Variants in PTPRG observed in about 807,000 individuals in gnomAD.
The protein encoded by PTPRG is protein tyrosine phosphatase receptor type G, also known as receptor-type tyrosine-protein phosphatase gamma.
A neutral mutation model predicts 165.3 loss-of-function variants in PTPRG; 102 were observed. That is an observed-to-expected ratio of 0.62 (90% CI 0.53 to 0.73). The LOEUF (loss-of-function observed/expected upper bound fraction) is 0.73. Ranked by LOEUF, PTPRG falls within the 30% of genes least tolerant of loss-of-function variation. The pLI is 0.00. For synonymous variants in PTPRG, 675 were observed against 669.5 expected (o/e 1.01, Z -0.13); for missense variants, 1,866 against 1,861.4 (o/e 1.00, Z -0.05).
intron 2 of PTPRG, among the ~76,000 whole-genome samples, chr3:61,756,423 C>G (rs1160348601): frequency 6.6e-6 from 1 of 152,174 alleles, no homozygotes; most frequent in Non-Finnish European, 1.5e-5. Flanking sequence ...ACACACTAAT[C>G]AGAACTTTAT....
intron 14 of PTPRG, among the ~76,000 whole-genome samples, chr3:62,235,873 G>C (rs931343182): frequency 7.9e-5 from 12 of 151,852 alleles, no homozygotes; most frequent in Non-Finnish European, 1.5e-4. Flanking sequence ...CCTCATATCT[G>C]TTAAGCCCTG....
At chr3:62,220,366 A>G (rs1357100246) in intron 13 of PTPRG, among the ~76,000 whole-genome samples, 2 of 152,254 alleles carry the variant, frequency 1.3e-5, no homozygotes, top group African/African-American at 4.8e-5. Flanking sequence ...GCAGGGGCAG[A>G]AACAGAGACC....
chr3:61,635,913 A>G (rs978590400), intron 1 of PTPRG, among the ~76,000 whole-genome samples: 1 of 152,084 alleles, frequency 6.6e-6, no homozygotes, highest in African/African-American at 2.4e-5. Flanking sequence ...CATCTTTTTG[A>G]TAGTGTGTTT....
At position 61,885,017 on chromosome 3, in the gene PTPRG, G is replaced by T. The variant is rs569045567; in HGVS notation, c.191-104608G>T. Among the ~76,000 whole-genome samples, 5 of 152,246 alleles carry T rather than the reference G, an allele frequency of 3.3e-5. No homozygotes were observed. In the South Asian group the frequency reaches 1.0e-3, roughly 32 times the overall value. On this transcript the variant is annotated intron_variant, in intron 2 of 29. Transcript: ENST00000474889. ...CAGATCTGTCCTGCGTGTGCATTTG[G>T]TAAATAATCTTGATGTGTGGTGTTT...
At chr3:61,980,533 A>G (rs917878996) in intron 2 of PTPRG, among the ~76,000 whole-genome samples, 1 of 152,310 alleles carries the variant, frequency 6.6e-6, no homozygotes, top group East Asian at 1.9e-4. Flanking sequence ...ATTTTTATAT[A>G]TTCCATCCAG....
intron 1 of PTPRG, among the ~76,000 whole-genome samples, chr3:61,675,560 A>G (rs1703192260): frequency 1.3e-5 from 2 of 152,060 alleles, no homozygotes; most frequent in Admixed American, 1.3e-4. Context: ...TCCCCCTATT[A>G]TGTATGTACT....
chr3:61,708,443 CTTTTTT>C (rs61136954), intron 1 of PTPRG, among the ~76,000 whole-genome samples: 4 of 75,912 alleles, frequency 5.3e-5, no homozygotes, highest in Non-Finnish European at 7.1e-5. Context: ...CTCTGCAAAT[CTTTTTT>C]TTTTTTTTTT....
At chr3:61,575,059 G>C (rs1378249415) in intron 1 of PTPRG, among the ~76,000 whole-genome samples, 1 of 152,172 alleles carries the variant, frequency 6.6e-6, no homozygotes, top group African/African-American at 2.4e-5. Context: ...ATTTGGTGAG[G>C]ACAGACCGAA....
intron 1 of PTPRG, among the ~76,000 whole-genome samples, chr3:61,586,246 A>G (rs1356010139): frequency 6.6e-6 from 1 of 152,100 alleles, no homozygotes; most frequent in African/African-American, 2.4e-5. Flanking sequence ...CAAGTTCTTC[A>G]GTGGGAAATA....
chr3:61,636,743 C>T (rs1210017736), intron 1 of PTPRG, among the ~76,000 whole-genome samples: 3 of 152,182 alleles, frequency 2.0e-5, no homozygotes, highest in Non-Finnish European at 2.9e-5. Context: ...TTTTGACTAT[C>T]ATGAATAGTG....
At chr3:62,143,915 G>A (rs982502471) in intron 6 of PTPRG, among the ~76,000 whole-genome samples, 3 of 152,126 alleles carry the variant, frequency 2.0e-5, no homozygotes, top group Non-Finnish European at 2.9e-5. Flanking sequence ...GAGTATCATC[G>A]CTAAATGCAT....
intron 24 of PTPRG, 34 bp downstream of exon 24, chr3:62,276,000 T>C (rs1274242342): frequency 2.7e-6 from 4 of 1,485,812 alleles, no homozygotes; most frequent in Non-Finnish European, 3.7e-6. Context: ...AGTGATCTTT[T>C]ATACTGGATT....
At chr3:61,880,275 C>T (rs73096157) in intron 2 of PTPRG, among the ~76,000 whole-genome samples, 138 of 152,270 alleles carry the variant, frequency 9.1e-4, no homozygotes, top group Non-Finnish European at 1.5e-3. Context: ...GACTATCTCC[C>T]CACTGCTACC....
intron 4 of PTPRG, among the ~76,000 whole-genome samples, chr3:62,036,894 C>T (rs964627914): frequency 6.6e-6 from 1 of 152,126 alleles, no homozygotes; most frequent in East Asian, 1.9e-4. Context: ...TGGGATGACA[C>T]ATCTGTGCAC....
chr3:61,726,875 G>A (rs1329610621), intron 1 of PTPRG, among the ~76,000 whole-genome samples: 1 of 152,072 alleles, frequency 6.6e-6, no homozygotes, highest in Non-Finnish European at 1.5e-5. Flanking sequence ...GTGAAATCCC[G>A]TCTCTACTGA....
intron 4 of PTPRG, among the ~76,000 whole-genome samples, chr3:62,030,584 A>C (rs1036258524): frequency 3.3e-5 from 5 of 152,142 alleles, no homozygotes; most frequent in Non-Finnish European, 7.3e-5. Context: ...TCATTGATCA[A>C]TCAGTTGACC....
At chr3:61,743,175 C>A (rs1025272350) in intron 1 of PTPRG, 19 of 817,230 alleles carry the variant, frequency 2.3e-5, no homozygotes, top group Non-Finnish European at 3.7e-5. Context: ...TTGCTTCGGG[C>A]TGGAAATGAG....
rs912210671 is a variant in PTPRG, at chr3:61,562,221, C to T, written c.-67C>T. The T allele has an allele frequency of 2.8e-6, 4 of 1,454,198 alleles. No homozygotes were observed. Among genetic ancestry groups the T allele is most frequent in the African/African-American group, 1.4e-5 (1 of 71,710 alleles). 90.1% of individuals were successfully genotyped at this position (1,454,198 alleles called of 1,614,324 possible). A position where few individuals can be genotyped will look rare whatever the true frequency, so the allele number is the denominator to read the frequency against. Reference sequence around the variant, plus strand: ...CGCCCCGGCTTAGCGGAGGCTCGCACGGAGGCAAGAACTTATTCAACAAGT... The same window carrying T: ...CGCCCCGGCTTAGCGGAGGCTCGCATGGAGGCAAGAACTTATTCAACAAGT... On this transcript the variant is annotated 5_prime_UTR_variant, in exon 1 of 30. It adds an upstream start codon to the 5' untranslated region. Coordinates refer to ENST00000474889, the MANE Select transcript of PTPRG (RefSeq NM_002841.4).
intron 5 of PTPRG, among the ~76,000 whole-genome samples, chr3:62,110,487 A>G (rs1171437125): frequency 6.6e-6 from 1 of 152,012 alleles, no homozygotes; most frequent in East Asian, 1.9e-4. Flanking sequence ...TTATCCACTC[A>G]GTAGAGATTT....
Sources: allele counts gnomAD v4.1 joint callset (sites outside exome capture counted in the v4.1 genomes callset), GRCh38; gene constraint gnomAD v4.1.1; transcripts MANE v1.5; gene names NCBI Gene and HGNC (gene_info 2026-07-23, HGNC 2026-07-21).